Variants in HOOK3 observed in about 807,000 individuals in gnomAD.
The protein encoded by HOOK3 is hook microtubule tethering protein 3.
HOOK3 carries 24 observed loss-of-function variants against 116.3 expected under a neutral mutation model. That is an observed-to-expected ratio of 0.21 (90% confidence interval 0.15 to 0.29). HOOK3 has a LOEUF of 0.29. Among genes scored for constraint, HOOK3 ranks in the 10% least tolerant of loss-of-function variants. The pLI is 1.00. For missense variants in HOOK3, 632 were observed against 830.2 expected (o/e 0.76, Z 2.93); for synonymous variants, 275 against 283.0 (o/e 0.97, Z 0.28).
chr8:42,977,171 A>G (rs185045248), intron 13 of HOOK3, among the ~76,000 whole-genome samples: 153 of 152,302 alleles, frequency 1.0e-3, no homozygotes, highest in African/African-American at 3.6e-3. Flanking sequence ...CCAGTGTGAG[A>G]TCATACAGTC....
chr8:42,935,600 T>C (rs1346278607), intron 4 of HOOK3, among the ~76,000 whole-genome samples: 2 of 152,214 alleles, frequency 1.3e-5, no homozygotes, highest in Non-Finnish European at 2.9e-5. Context: ...GTTTCAGTTT[T>C]CTGCATATGA....
Position 42,934,356 on chromosome 8 carries a change from A to G in HOOK3, c.267+4184A>G, listed in dbSNP as rs188308877. On this transcript the variant is annotated intron_variant, in intron 4 of 21. Transcript: ENST00000307602. Reference sequence around the variant, plus strand: ...TTATGAATATGTTTCTCTTATCTCTATGAGAATATTAATCATAGATTTTTT... The same window carrying G: ...TTATGAATATGTTTCTCTTATCTCTGTGAGAATATTAATCATAGATTTTTT... Among the ~76,000 whole-genome samples the G allele has an allele frequency of 4.5e-3, 689 of 152,144 alleles. 9 individuals are homozygous for G. The highest frequency in any genetic ancestry group is 0.016 in the African/African-American group (654 of 41,492).
chr8:42,903,752 G>A (rs570861229), intron 1 of HOOK3, among the ~76,000 whole-genome samples: 3 of 150,398 alleles, frequency 2.0e-5, no homozygotes, highest in South Asian at 2.1e-4. Context: ...GGTCAGAGAT[G>A]AGGACATCCT....
At position 43,024,842 on chromosome 8, in the gene HOOK3, G is replaced by A. The variant is rs901191197; in HGVS notation, c.*6344G>A. 4.8e-6 allele frequency: 1 copy of A among 206,656 alleles called. No individual in the cohort carries two copies. The allele number at this position is 206,656 out of a possible 1,614,324, so 12.8% of individuals were successfully genotyped here. ...TTTCCACCCAATCCCTCAAATTACCGAAGTATTAATATTTAGCTTCCTTTC... is the reference window on the plus strand; with the variant it reads ...TTTCCACCCAATCCCTCAAATTACCAAAGTATTAATATTTAGCTTCCTTTC... On this transcript the variant is annotated 3_prime_UTR_variant, in exon 22 of 22. Transcript: ENST00000307602.
chr8:42,926,753 C>T (rs1807773777), intron 3 of HOOK3, among the ~76,000 whole-genome samples: 1 of 152,184 alleles, frequency 6.6e-6, no homozygotes, highest in South Asian at 2.1e-4. Flanking sequence ...ATTCAAATTT[C>T]ACCAAGGTTA....
rs1474127366 is a variant in HOOK3 at position 42,968,130 on chromosome 8, G to A, written c.1038G>A (p.Met346Ile). ...QVKLLEEKNT[M>I]YMQNTVSLEE... ...AACTCTTAGAAGAGAAGAATACCAT[G>A]TATATGCAGAATACTGTCAGTCTAG... The change falls in exon 11 of 22, where the codon ATG (methionine) becomes ATA (isoleucine). Residue 346 changes from methionine to isoleucine, a missense_variant. Physicochemically the swap from Met to Ile is conservative, Grantham distance 10 (BLOSUM62 1). Coordinates refer to ENST00000307602, the MANE Select transcript of HOOK3 (RefSeq NM_032410.4). 6.2e-7 allele frequency: 1 copy of A among 1,613,240 alleles called. No individual in the cohort carries two copies. The highest frequency in any genetic ancestry group is 1.3e-5 in the African/African-American group (1 of 74,888).
At chr8:43,000,830 C>T (rs976308629) in intron 16 of HOOK3, 12 of 152,342 alleles carry the variant, frequency 7.9e-5, no homozygotes, top group African/African-American at 2.9e-4. Flanking sequence ...TATTAACCAT[C>T]CATTTAACTA....
chr8:42,982,271 G>GAAAAAAAAAAAAAAAAAAA (rs753456985), intron 13 of HOOK3, among the ~76,000 whole-genome samples: 1 of 118,130 alleles, frequency 8.5e-6, no homozygotes. Flanking sequence ...AAAAAAAAAA[G>GAAAAAAAAAAAAAAAAAAA]AAAAAAAAAA....
intron 4 of HOOK3, among the ~76,000 whole-genome samples, chr8:42,939,611 G>A (rs1163739876): frequency 2.7e-5 from 4 of 145,508 alleles, no homozygotes; most frequent in East Asian, 2.0e-4. Context: ...CTGGCTGGCC[G>A]GGCGGGGGGC....
intron 13 of HOOK3, 36 bp downstream of exon 13, chr8:42,974,230 C>A: frequency 1.5e-6 from 2 of 1,340,372 alleles, no homozygotes; most frequent in South Asian, 1.3e-5. Context: ...CAGATGATTT[C>A]TTTTTTTTTT....
chr8:42,938,706 A>ATTTT (rs1808027010), intron 4 of HOOK3, among the ~76,000 whole-genome samples: 1 of 150,590 alleles, frequency 6.6e-6, no homozygotes, highest in Admixed American at 6.6e-5. Context: ...TCTTTTATTT[A>ATTTT]TTTATTTATT....
At chr8:42,907,421 T>C (rs1214691382) in intron 2 of HOOK3, among the ~76,000 whole-genome samples, 1 of 152,194 alleles carries the variant, frequency 6.6e-6, no homozygotes, top group Non-Finnish European at 1.5e-5. Flanking sequence ...TCCAGATATA[T>C]AGGCACACAG....
chr8:42,918,920 A>G (rs1485133935), intron 2 of HOOK3, among the ~76,000 whole-genome samples: 2 of 152,190 alleles, frequency 1.3e-5, no homozygotes, highest in African/African-American at 4.8e-5. Flanking sequence ...CCCGTTCTCA[A>G]TGAGCTGTTG....
chr8:42,951,937 C>CA (rs57984038), intron 6 of HOOK3, among the ~76,000 whole-genome samples: 5,283 of 130,048 alleles, frequency 0.041, 289 homozygotes, highest in African/African-American at 0.13. Flanking sequence ...GACTCCGTCT[C>CA]AAAAAAAAAA....
chr8:42,993,333 G>C (rs1809202931), intron 15 of HOOK3, among the ~76,000 whole-genome samples: 1 of 152,194 alleles, frequency 6.6e-6, no homozygotes, highest in East Asian at 1.9e-4. Context: ...GCTTAGTAGA[G>C]CCAGGTTTTC....
intron 1 of HOOK3, among the ~76,000 whole-genome samples, chr8:42,899,349 A>G (rs1023000218): frequency 7.9e-5 from 12 of 152,234 alleles, no homozygotes; most frequent in Middle Eastern, 3.2e-3. Context: ...AAACTCATCA[A>G]TGAGAATTTC....
chr8:42,947,975 G>A (rs1254723075), intron 5 of HOOK3, among the ~76,000 whole-genome samples: 1 of 152,130 alleles, frequency 6.6e-6, no homozygotes, highest in African/African-American at 2.4e-5. Flanking sequence ...TTGACTCAGT[G>A]CACATTTGTC....
intron 15 of HOOK3, among the ~76,000 whole-genome samples, chr8:42,990,993 G>C (rs1376357278): frequency 6.6e-6 from 1 of 152,028 alleles, no homozygotes; most frequent in Non-Finnish European, 1.5e-5. Context: ...AGAGATAGGG[G>C]GTCTAGTTTC....
At chr8:42,973,922 G>A (rs1486775605) in intron 12 of HOOK3, among the ~76,000 whole-genome samples, 185 bp from the exon 13 acceptor site, 3 of 152,224 alleles carry the variant, frequency 2.0e-5, no homozygotes, top group Non-Finnish European at 4.4e-5. Flanking sequence ...TAGATATTCA[G>A]TATTGTTAAA....
Sources: allele counts gnomAD v4.1 joint callset (sites outside exome capture counted in the v4.1 genomes callset), GRCh38; gene constraint gnomAD v4.1.1; transcripts MANE v1.5; gene names NCBI Gene and HGNC (gene_info 2026-07-23, HGNC 2026-07-21).